Variants in RAB6B observed in about 807,000 individuals in gnomAD.
RAB6B encodes the protein ras-related protein Rab-6B.
A neutral mutation model predicts 31.2 loss-of-function variants in RAB6B; 7 were observed. The observed-to-expected ratio is 0.22, with a 90% CI of 0.13 to 0.42. The LOEUF (loss-of-function observed/expected upper bound fraction) is 0.42. Among genes scored for constraint, RAB6B ranks in the 10% least tolerant of loss-of-function variants. The pLI, the probability that RAB6B is intolerant of heterozygous loss-of-function variation, is 1.00. For synonymous variants in RAB6B, 105 were observed against 104.9 expected (o/e 1.00, Z -0.01); for missense variants, 149 against 280.6 (o/e 0.53, Z 3.35).
chr3:133,848,838 T>C (rs1321677802), intron 2 of RAB6B, among the ~76,000 whole-genome samples: 3 of 152,092 alleles, frequency 2.0e-5, no homozygotes, highest in Non-Finnish European at 4.4e-5. Context: ...ATATGAGTTT[T>C]GGTGGTGACA....
intron 4 of RAB6B, 123 bp downstream of exon 4, chr3:133,841,162 G>T: frequency 1.6e-6 from 1 of 631,624 alleles, no homozygotes; most frequent in Non-Finnish European, 2.6e-6. Context: ...GGGAGCAATC[G>T]CACACACATG....
chr3:133,839,655 C>A, intron 4 of RAB6B, 38 bp from the exon 5 acceptor site: 3 of 1,484,900 alleles, frequency 2.0e-6, no homozygotes, highest in Non-Finnish European at 2.8e-6. Flanking sequence ...AAAGCCAGGG[C>A]CAGCCACCAG....
intron 2 of RAB6B, among the ~76,000 whole-genome samples, chr3:133,856,997 T>C (rs76369293): frequency 0.016 from 2,503 of 152,324 alleles, 65 homozygotes; most frequent in African/African-American, 0.057. Context: ...TGCAGTCCAG[T>C]GCTCTGCCCG....
intron 2 of RAB6B, among the ~76,000 whole-genome samples, chr3:133,846,993 T>C (rs1288952498): frequency 6.6e-6 from 1 of 152,200 alleles, no homozygotes; most frequent in South Asian, 2.1e-4. Context: ...GAAATTAGAA[T>C]CTTCAAGGCT....
At position 133,846,854 on chromosome 3, in the gene RAB6B, T is replaced by A. The variant is rs929242320; in HGVS notation, c.130-5191A>T. Among the ~76,000 whole-genome samples the A allele has an allele frequency of 7.9e-5, 12 of 152,368 alleles. No individual in the cohort carries two copies. The East Asian group carries it at 2.3e-3, about 29-fold the overall frequency. On this transcript the variant is annotated intron_variant, in intron 2 of 7. Transcript: ENST00000285208. The stretch of plus-strand genomic sequence containing the variant: ...CCCTGTCAGCCTAGAATTCTATAGC[T>A]GGTGAAAATTTTCTTCAAAAATGAA...
chr3:133,828,648 C>T lies in RAB6B; in HGVS notation c.*140G>A. The T allele has an allele frequency of 1.3e-6, 1 of 747,430 alleles. No homozygotes were observed. Among genetic ancestry groups the T allele is most frequent in the Non-Finnish European group, 2.3e-6 (1 of 426,902 alleles). 46.3% of individuals were successfully genotyped at this position (747,430 alleles called of 1,614,324 possible). A position where few individuals can be genotyped will look rare whatever the true frequency, so the allele number is the denominator to read the frequency against. Reference sequence around the variant, plus strand: ...TGATGCCCAGCCTCCCTCCCCATCCCACCCTACTCCTAAAGACAGAGAGAA... The same window carrying T: ...TGATGCCCAGCCTCCCTCCCCATCCTACCCTACTCCTAAAGACAGAGAGAA... On this transcript the variant is annotated 3_prime_UTR_variant, in exon 8 of 8. Coordinates refer to ENST00000285208, the MANE Select transcript of RAB6B (RefSeq NM_016577.4).
intron 1 of RAB6B, among the ~76,000 whole-genome samples, chr3:133,872,490 T>C (rs755723862): frequency 6.6e-6 from 1 of 152,186 alleles, no homozygotes; most frequent in South Asian, 2.1e-4. Context: ...GTGAAACAGT[T>C]AGAGACACCA....
chr3:133,880,623 A>G (rs1936454063), intron 1 of RAB6B, among the ~76,000 whole-genome samples: 1 of 152,246 alleles, frequency 6.6e-6, no homozygotes. Context: ...CCATCAACAC[A>G]GGAAGCTGTC....
intron 1 of RAB6B, among the ~76,000 whole-genome samples, chr3:133,887,858 G>A (rs1936571080): frequency 6.6e-6 from 1 of 152,144 alleles, no homozygotes; most frequent in Admixed American, 6.5e-5. Context: ...ATGGCAGTGG[G>A]CTGAGGGCTG....
At chr3:133,838,828 C>A (rs1467219838) in intron 5 of RAB6B, among the ~76,000 whole-genome samples, 1 of 152,180 alleles carries the variant, frequency 6.6e-6, no homozygotes, top group African/African-American at 2.4e-5. Context: ...TCAGATGATT[C>A]CTCAGGTGGT....
intron 7 of RAB6B, among the ~76,000 whole-genome samples, chr3:133,829,493 C>T (rs1377836437): frequency 6.6e-6 from 1 of 152,210 alleles, no homozygotes; most frequent in Non-Finnish European, 1.5e-5. Context: ...TGGCCCTCTG[C>T]CTTCCTCATC....
At chr3:133,829,189 A>T (rs1240530227) in intron 7 of RAB6B, among the ~76,000 whole-genome samples, 1 of 152,130 alleles carries the variant, frequency 6.6e-6, no homozygotes, top group Non-Finnish European at 1.5e-5. Context: ...GCCTCAGCCC[A>T]GTTACCTGTC....
At chr3:133,872,638 A>G (rs1248356534) in intron 1 of RAB6B, among the ~76,000 whole-genome samples, 6 of 152,182 alleles carry the variant, frequency 3.9e-5, no homozygotes, top group Non-Finnish European at 5.9e-5. Flanking sequence ...CCTGGACTCC[A>G]AAAGGCAGCC....
chr3:133,857,479 T>C (rs1476412300), intron 2 of RAB6B, among the ~76,000 whole-genome samples: 2 of 145,980 alleles, frequency 1.4e-5, no homozygotes, highest in Non-Finnish European at 3.0e-5. Flanking sequence ...TTCTGAATCC[T>C]CCTTGGCGTG....
In RAB6B at chr3:133,827,746, ACCCCC is replaced by A. The variant is rs55951806; in HGVS notation, c.*1037_*1041del. 451 of 73,476 alleles carry A rather than the reference ACCCCC, an allele frequency of 6.1e-3. 3 individuals carry two copies. Among genetic ancestry groups the A allele is most frequent in the African/African-American group, 0.014 (183 of 13,166 alleles). 4.6% of individuals were successfully genotyped at this position (73,476 alleles called of 1,614,324 possible). Reference sequence around the variant, plus strand: ...TCAAGGTGGTGGTTCTGCAGACAACACCCCCCCCCCCCCCCGCCTCCCCATCACAG... The same window carrying A: ...TCAAGGTGGTGGTTCTGCAGACAACACCCCCCCCCCGCCTCCCCATCACAG... On this transcript the variant is annotated 3_prime_UTR_variant, in exon 8 of 8. Coordinates refer to ENST00000285208, the MANE Select transcript of RAB6B (RefSeq NM_016577.4).
intron 2 of RAB6B, among the ~76,000 whole-genome samples, chr3:133,854,923 T>C (rs529492951): frequency 2.6e-5 from 4 of 152,384 alleles, no homozygotes; most frequent in African/African-American, 9.6e-5. Context: ...AAGTCTGCAA[T>C]GGAAATCTGC....
chr3:133,894,433 C>G (rs1936679100), intron 1 of RAB6B: 4 of 152,280 alleles, frequency 2.6e-5, no homozygotes, highest in Admixed American at 6.5e-5. Context: ...AGCCGGGCAG[C>G]GGAGAAGCAG....
intron 2 of RAB6B, among the ~76,000 whole-genome samples, chr3:133,852,259 G>T (rs918768809): frequency 2.0e-5 from 3 of 152,162 alleles, no homozygotes; most frequent in African/African-American, 7.2e-5. Flanking sequence ...GGCCTAGGCT[G>T]CTTTGTCCAC....
chr3:133,864,164 G>T (rs931390088), intron 2 of RAB6B, among the ~76,000 whole-genome samples: 10 of 108,244 alleles, frequency 9.2e-5, no homozygotes, highest in South Asian at 3.1e-4. Flanking sequence ...GTGCGTGTGT[G>T]GGGGGGGGCG....
Sources: allele counts gnomAD v4.1 joint callset (sites outside exome capture counted in the v4.1 genomes callset), GRCh38; gene constraint gnomAD v4.1.1; transcripts MANE v1.5; gene names NCBI Gene and HGNC (gene_info 2026-07-23, HGNC 2026-07-21).